Variants in TUBA3C observed in about 807,000 individuals in gnomAD.
TUBA3C encodes tubulin alpha 3c, also known as tubulin alpha-3C chain.
Under a neutral mutation model 33.4 loss-of-function variants are expected in TUBA3C, and 23 were observed. The ratio of observed to expected loss-of-function variants is 0.69; its 90% confidence interval spans 0.50 to 0.98. The LOEUF (loss-of-function observed/expected upper bound fraction) is 0.98, where lower values mean the gene tolerates loss of function less well. Ranked by LOEUF, TUBA3C falls within the 50% of genes least tolerant of loss-of-function variation. The probability of loss-of-function intolerance (pLI) is 0.00; values close to 1 mark genes in which losing one functional copy is unlikely to be tolerated. For missense variants in TUBA3C, 402 were observed against 616.0 expected, an observed-to-expected ratio of 0.65 and a Z score of 3.68; for synonymous variants, 269 against 250.4, an observed-to-expected ratio of 1.07 and a Z score of -0.70.
In TUBA3C at chr13:19,173,921, T is replaced by C. The variant is rs397771193; in HGVS notation, c.1295A>G (p.Tyr432Cys). 1.2e-6 allele frequency: 2 copies of C among 1,614,072 alleles called. No individual in the cohort carries two copies. The highest frequency in any genetic ancestry group is 2.2e-5 in the South Asian group (2 of 91,070). ...REDLAALEKD[Y>C]EEVGVDSVEA... The stretch of plus-strand genomic sequence containing the variant: ...CACGGAATCCACGCCCACCTCTTCA[T>C]AATCCTTCTCCAGAGCTGCCAGGTC... Residue 432 changes from tyrosine (Y) to cysteine (C), a missense_variant, in exon 5 of 5, where the codon TAT (tyrosine) becomes TGT (cysteine). By Grantham distance (194) the Tyr-to-Cys change is radical. Transcript: ENST00000400113.
At position 19,177,329 on chromosome 13, in the gene TUBA3C, G is replaced by A; in HGVS notation, c.654C>T (p.Asp218=). ...GGTTGGTGTACGTGGGACGCTCGAT[G>A]TCCAGGTTGCGCCGACATATGTCAT... ...AIYDICRRNL[D]IERPTYTNLN... is the part of the protein sequence containing the mutation. Residue 218 remains aspartate (D), a synonymous_variant, in exon 4 of 5, where the codon GAC becomes GAT. Transcript: ENST00000400113. The surrounding 1 kb of genome is among the most constrained non-coding windows in gnomAD (Gnocchi z 5.0). 1 of 1,614,158 alleles carries A rather than the reference G, an allele frequency of 6.2e-7. No individual in the cohort carries two copies. Among genetic ancestry groups the A allele is most frequent in the South Asian group, 1.1e-5 (1 of 91,084 alleles).
intron 2 of TUBA3C, 61 bp from the exon 3 acceptor site, chr13:19,178,455 A>G: frequency 1.3e-6 from 2 of 1,587,386 alleles, no homozygotes; most frequent in Admixed American, 1.7e-5. Flanking sequence ...AGATGGACAC[A>G]TTCCAGGACT....
Position 19,177,611 on chromosome 13 carries a change from A to G in TUBA3C, c.376-4T>C, listed in dbSNP as rs779572418. The G allele has an allele frequency of 3.9e-6, 6 of 1,557,780 alleles. No individual in the cohort carries two copies. The highest frequency in any genetic ancestry group is 1.7e-6 in the Non-Finnish European group (2 of 1,153,100). ...GCAGTCCCGTGCACAGATCCGCCTG[A>G]GGGAAACCAGACAACATGAATCAAT... On this transcript the variant is annotated splice_polypyrimidine_tract_variant and splice_region_variant and intron_variant, in intron 3 of 4. Transcript: ENST00000400113. This position sits in a 1 kb window ranked among gnomAD's most constrained non-coding sequence, Gnocchi z 5.0.
At chr13:19,179,609 T>C (rs996502605) in intron 1 of TUBA3C, 46 bp from the exon 2 acceptor site, 14 of 1,594,782 alleles carry the variant, frequency 8.8e-6, no homozygotes, top group Non-Finnish European at 1.2e-5. Context: ...TCAAGGCAAC[T>C]TGAAGCTATA....
rs773729698 is a variant in TUBA3C, at chr13:19,177,143, C to T, written c.840G>A (p.Lys280=). The change falls in exon 4 of 5, where the codon AAG becomes AAA. Residue 280 remains lysine, a synonymous_variant. Transcript: ENST00000400113. The surrounding 1 kb of genome is among the most constrained non-coding windows in gnomAD (Gnocchi z 5.0). ...CCACGGACAGCTGCTCGTGGTAGGC[C>T]TTCTCGGCTGAGATGACCGGGGCGT... ...ATYAPVISAE[K]AYHEQLSVAE... is the part of the protein sequence containing the mutation. 5 of 1,614,004 alleles carry T rather than the reference C, an allele frequency of 3.1e-6. No homozygotes were observed. In the African/African-American group the frequency reaches 6.7e-5, roughly 22 times the overall value.
In TUBA3C at chr13:19,178,315, A is replaced by C. The variant is rs1418279511; in HGVS notation, c.306T>G (p.Asn102Lys). ...LITGKEDAAN[N>K]YARGHYTIGK... The stretch of plus-strand genomic sequence containing the variant: ...CGATGGTGTAATGGCCTCTGGCGTA[A>C]TTATTGGCCGCATCTTCCTTCCCGG... Residue 102 changes from asparagine to lysine, a missense_variant, in exon 3 of 5, where the codon AAT becomes AAG. Coordinates refer to ENST00000400113, the MANE Select transcript of TUBA3C (RefSeq NM_006001.3). 7 of 1,614,162 alleles carry C rather than the reference A, an allele frequency of 4.3e-6. No individual in the cohort carries two copies. The highest frequency in any genetic ancestry group is 5.9e-6 in the Non-Finnish European group (7 of 1,180,026).
At position 19,173,788 on chromosome 13, in the gene TUBA3C, C is replaced by T. The variant is rs1214036852; in HGVS notation, c.*75G>A. On this transcript the variant is annotated 3_prime_UTR_variant, in exon 5 of 5. Coordinates refer to ENST00000400113, the MANE Select transcript of TUBA3C (RefSeq NM_006001.3). The stretch of plus-strand genomic sequence containing the variant: ...ACAGAGGTCTTGGTTTTATACAGAA[C>T]CTTTAATTGCAAAGAACTTGAAAGC... 2 of 1,553,954 alleles carry T rather than the reference C, an allele frequency of 1.3e-6. No individual in the cohort carries two copies. The highest frequency in any genetic ancestry group is 2.3e-5 in the East Asian group (1 of 44,440).
At chr13:19,176,194 A>G (rs1263597378) in intron 4 of TUBA3C, among the ~76,000 whole-genome samples, 4 of 152,136 alleles carry the variant, frequency 2.6e-5, no homozygotes, top group Non-Finnish European at 5.9e-5. Flanking sequence ...TAAGACAAGC[A>G]GATCACTTAA....
Position 19,179,495 on chromosome 13 carries a change from G to A in TUBA3C, c.72C>T (p.Tyr24=), listed in dbSNP as rs1264387147. 1 of 1,614,166 alleles carries A rather than the reference G, an allele frequency of 6.2e-7. No homozygotes were observed. Among genetic ancestry groups the A allele is most frequent in the East Asian group, 2.2e-5 (1 of 44,880 alleles). Reference sequence around the variant, plus strand: ...CGGGCTGAATTCCATGTTCCAGGCAGTACAGTTCCCAGCAGGCATTGCCGA... The same window carrying A: ...CGGGCTGAATTCCATGTTCCAGGCAATACAGTTCCCAGCAGGCATTGCCGA... ...VQIGNACWEL[Y]CLEHGIQPDG... is the part of the protein sequence containing the mutation. The change falls in exon 2 of 5, where the codon TAC becomes TAT. Residue 24 remains tyrosine (Y), a synonymous_variant. Coordinates refer to ENST00000400113, the MANE Select transcript of TUBA3C (RefSeq NM_006001.3).
At chr13:19,178,964 T>C (rs1869299849) in intron 2 of TUBA3C, among the ~76,000 whole-genome samples, 2 of 152,158 alleles carry the variant, frequency 1.3e-5, no homozygotes, top group Admixed American at 1.3e-4. Context: ...GTACTTAACC[T>C]TCTATGCCTA....
chr13:19,175,460 C>T (rs1869145378), intron 4 of TUBA3C, among the ~76,000 whole-genome samples: 1 of 152,162 alleles, frequency 6.6e-6, no homozygotes, highest in Non-Finnish European at 1.5e-5. Context: ...CCTGTGCGTT[C>T]TTGTGCTGTG....
chr13:19,177,162 G>C lies in TUBA3C; in HGVS notation c.821C>G (p.Pro274Arg), dbSNP rs202223142. 6 of 1,613,950 alleles carry C rather than the reference G, an allele frequency of 3.7e-6. No individual in the cohort carries two copies. In the South Asian group the frequency reaches 5.5e-5, roughly 15 times the overall value. The part of the protein sequence containing the change: ...RIHFPLATYA[P>R]VISAEKAYHE... Reference sequence around the variant, plus strand: ...GTAGGCCTTCTCGGCTGAGATGACCGGGGCGTAGGTGGCCAGGGGGAAGTG... The same window carrying C: ...GTAGGCCTTCTCGGCTGAGATGACCCGGGCGTAGGTGGCCAGGGGGAAGTG... The change falls in exon 4 of 5, where the codon CCG (proline) becomes CGG (arginine). Residue 274 changes from proline (P) to arginine (R), a missense_variant. Coordinates refer to ENST00000400113, the MANE Select transcript of TUBA3C (RefSeq NM_006001.3). The surrounding 1 kb of genome is among the most constrained non-coding windows in gnomAD (Gnocchi z 5.0).
rs200511105 is a variant in TUBA3C at position 19,173,949 on chromosome 13, C to T, written c.1267G>A (p.Glu423Lys). Residue 423 changes from glutamate to lysine, a missense_variant, in exon 5 of 5, where the codon GAG becomes AAG. Glu to Lys is a moderately conservative substitution (Grantham distance 56, BLOSUM62 1). Coordinates refer to ENST00000400113, the MANE Select transcript of TUBA3C (RefSeq NM_006001.3). ...TCCTTCTCCAGAGCTGCCAGGTCCT[C>T]GCGGGCCTCAGAGAACTCCCCCTCC... ...MEEGEFSEAR[E>K]DLAALEKDYE... is the part of the protein sequence containing the mutation. 3.1e-6 allele frequency: 5 copies of T among 1,613,932 alleles called. No homozygotes were observed. The highest frequency in any genetic ancestry group is 4.2e-6 in the Non-Finnish European group (5 of 1,180,046).
At position 19,173,797 on chromosome 13, in the gene TUBA3C, G is replaced by A. The variant is rs1869082085; in HGVS notation, c.*66C>T. On this transcript the variant is annotated 3_prime_UTR_variant, in exon 5 of 5. Transcript: ENST00000400113. ...TTGGTTTTATACAGAACCTTTAATT[G>A]CAAAGAACTTGAAAGCAGCCACGCT... is the stretch of plus-strand genomic sequence containing the variant. The A allele has an allele frequency of 6.4e-7, 1 of 1,558,138 alleles. No homozygotes were observed. Among genetic ancestry groups the A allele is most frequent in the Non-Finnish European group, 8.7e-7 (1 of 1,152,238 alleles).
Position 19,178,297 on chromosome 13 carries a change from G to T in TUBA3C, c.324C>A (p.Tyr108Ter). 1 of 1,614,230 alleles carries T rather than the reference G, an allele frequency of 6.2e-7. No homozygotes were observed. ...DAANNYARGH[Y>*]TIGKEIVDLV... is the part of the protein sequence containing the mutation. ...GGTCGACGATCTCCTTGCCGATGGT[G>T]TAATGGCCTCTGGCGTAATTATTGG... The change falls in exon 3 of 5, where the codon TAC (tyrosine) becomes TAA (stop). Residue 108 changes from tyrosine (Y) to a stop codon, truncating the protein, a stop_gained. Coordinates refer to ENST00000400113, the MANE Select transcript of TUBA3C (RefSeq NM_006001.3). LOFTEE classifies it high-confidence loss of function.
chr13:19,175,942 C>T (rs1869165297), intron 4 of TUBA3C, among the ~76,000 whole-genome samples: 2 of 152,294 alleles, frequency 1.3e-5, no homozygotes, highest in Admixed American at 1.3e-4. Context: ...CGGGATTTTG[C>T]CCTGTTGGCC....
In TUBA3C at chr13:19,177,287, C is replaced by A; in HGVS notation, c.696G>T (p.Gly232=). The part of the protein sequence containing the change: ...PTYTNLNRLI[G]QIVSSITASL... ...AGGCCGTGATGGAGGACACGATCTGCCCAATCAGGCGATTGAGGTTGGTGT... is the reference window on the plus strand; with the variant it reads ...AGGCCGTGATGGAGGACACGATCTGACCAATCAGGCGATTGAGGTTGGTGT... The change falls in exon 4 of 5, where the codon GGG becomes GGT. Residue 232 remains glycine (G), a synonymous_variant. Transcript: ENST00000400113. The surrounding 1 kb of genome is among the most constrained non-coding windows in gnomAD (Gnocchi z 5.0). The A allele has an allele frequency of 6.2e-7, 1 of 1,614,110 alleles. No homozygotes were observed. Among genetic ancestry groups the A allele is most frequent in the Non-Finnish European group, 8.5e-7 (1 of 1,180,026 alleles).
chr13:19,179,198 T>G, intron 2 of TUBA3C, 143 bp downstream of exon 2: 1 of 1,375,904 alleles, frequency 7.3e-7, no homozygotes, highest in Non-Finnish European at 9.7e-7. Flanking sequence ...TCACGAACCT[T>G]TCAGTTTCTG....
Position 19,173,780 on chromosome 13 carries a change from A to G in TUBA3C, c.*83T>C. 6.5e-7 allele frequency: 1 copy of G among 1,547,966 alleles called. No individual in the cohort carries two copies. The highest frequency in any genetic ancestry group is 8.7e-7 in the Non-Finnish European group (1 of 1,146,610). On this transcript the variant is annotated 3_prime_UTR_variant, in exon 5 of 5. Coordinates refer to ENST00000400113, the MANE Select transcript of TUBA3C (RefSeq NM_006001.3). ...TACGATACACAGAGGTCTTGGTTTTATACAGAACCTTTAATTGCAAAGAAC... is the reference window on the plus strand; with the variant it reads ...TACGATACACAGAGGTCTTGGTTTTGTACAGAACCTTTAATTGCAAAGAAC...
Sources: allele counts gnomAD v4.1 joint callset (sites outside exome capture counted in the v4.1 genomes callset), GRCh38; gene constraint gnomAD v4.1.1; non-coding constraint Gnocchi (gnomAD v3.1); transcripts MANE v1.5; gene names NCBI Gene and HGNC (gene_info 2026-07-23, HGNC 2026-07-21).